Variants in MAOA observed in about 807,000 individuals in gnomAD.
MAOA encodes the protein monoamine oxidase A, also known as amine oxidase [flavin-containing] A.
In MAOA, 6 loss-of-function variants were observed where a neutral mutation model predicts 42.0. The ratio of observed to expected loss-of-function variants is 0.14; its 90% CI spans 0.08 to 0.28. The LOEUF is 0.28. Ranked by LOEUF, MAOA falls within the 10% of genes least tolerant of loss-of-function variation. The pLI is 1.00. For missense variants in MAOA, 262 were observed against 422.3 expected (o/e 0.62, Z 3.33); for synonymous variants, 140 against 154.0 (o/e 0.91, Z 0.67).
At chrX:43,670,579 T>C (rs1411864596) in intron 1 of MAOA, among the ~76,000 whole-genome samples, 2 of 93,408 alleles carry the variant, frequency 2.1e-5, no homozygotes, top group African/African-American at 7.9e-5. Context: ...GTATATCTCC[T>C]AATGCTATCC....
chrX:43,672,512 G>C (rs2147075148), intron 1 of MAOA, among the ~76,000 whole-genome samples: 1 of 111,474 alleles, frequency 9.0e-6, no homozygotes, highest in African/African-American at 3.3e-5. Flanking sequence ...GGGCATCCCT[G>C]TCTTGTGCCA....
chrX:43,707,363 C>T lies in MAOA; in HGVS notation c.307-4509C>T, dbSNP rs746572249. ...GTGACCATAGAGAAAAGGGCATCCACGGACTTTTGAGGATACAAGTCAGAT... is the reference window on the plus strand; with the variant it reads ...GTGACCATAGAGAAAAGGGCATCCATGGACTTTTGAGGATACAAGTCAGAT... On this transcript the variant is annotated intron_variant, in intron 3 of 14. Transcript: ENST00000338702. Among the ~76,000 whole-genome samples the T allele has an allele frequency of 5.4e-5, 6 of 111,549 alleles. No individual in the cohort carries two copies. In the East Asian group the frequency reaches 8.5e-4, roughly 16 times the overall value.
chrX:43,741,803 C>T, intron 11 of MAOA, 147 bp from the exon 12 acceptor site: 1 of 1,048,231 alleles, frequency 9.5e-7, no homozygotes, highest in Non-Finnish European at 1.3e-6. Context: ...TTGCTTGGTA[C>T]TATCATGTTT....
chrX:43,683,739 A>G (rs926499489), intron 2 of MAOA, 132 bp downstream of exon 2: 1 of 499,808 alleles, frequency 2.0e-6, no homozygotes, highest in Non-Finnish European at 3.5e-6. Context: ...ATAGCCCTAA[A>G]GTACTCCCAT....
At chrX:43,709,515 T>G (rs1329590112) in intron 3 of MAOA, among the ~76,000 whole-genome samples, 1 of 111,570 alleles carries the variant, frequency 9.0e-6, no homozygotes, top group Non-Finnish European at 1.9e-5. Flanking sequence ...GTTCAAGCAA[T>G]TCTCCTGCCT....
intron 1 of MAOA, among the ~76,000 whole-genome samples, chrX:43,666,839 C>T (rs2033283049): frequency 9.1e-6 from 1 of 110,295 alleles, no homozygotes; most frequent in South Asian, 3.9e-4. Context: ...GGTCTTTGAG[C>T]ACATCGGCCT....
chrX:43,657,659 C>T (rs1301506588), intron 1 of MAOA, among the ~76,000 whole-genome samples: 2 of 111,970 alleles, frequency 1.8e-5, no homozygotes, highest in Non-Finnish European at 1.9e-5. Flanking sequence ...GACCTATCCT[C>T]CCCCTACTAG....
chrX:43,662,909 TCTC>T (rs1327997535), intron 1 of MAOA, among the ~76,000 whole-genome samples: 4 of 111,286 alleles, frequency 3.6e-5, no homozygotes, highest in African/African-American at 9.8e-5. Context: ...TGGGACTGTT[TCTC>T]CTCCTTTATC....
chrX:43,715,570 A>T (rs965830418), intron 5 of MAOA, among the ~76,000 whole-genome samples: 1 of 110,864 alleles, frequency 9.0e-6, no homozygotes, highest in Non-Finnish European at 1.9e-5. Flanking sequence ...TCCAGGAATG[A>T]CCCTCAAGAG....
intron 5 of MAOA, among the ~76,000 whole-genome samples, chrX:43,719,342 A>G (rs1425605546): frequency 1.0e-4 from 11 of 109,653 alleles, no homozygotes; most frequent in Admixed American, 6.8e-4. Context: ...TGTGGATGGT[A>G]TTTTCCTGGT....
At chrX:43,728,436 T>C in intron 6 of MAOA, 122 bp downstream of exon 6, 1 of 817,452 alleles carries the variant, frequency 1.2e-6, no homozygotes, top group South Asian at 2.2e-5. Flanking sequence ...CAGCATGAAA[T>C]GATCTCAAAA....
chrX:43,693,221 AT>A (rs200297353), intron 2 of MAOA, 69 bp from the exon 3 acceptor site: 2 of 1,065,796 alleles, frequency 1.9e-6, no homozygotes, highest in Non-Finnish European at 2.6e-6. Context: ...AAATGGGGTT[AT>A]TTTTTTACAA....
At chrX:43,731,131 G>A (rs1033699720) in intron 6 of MAOA, 110 bp from the exon 7 acceptor site, 9 of 730,591 alleles carry the variant, frequency 1.2e-5, no homozygotes, top group Middle Eastern at 3.4e-4. Context: ...GTGTGCAGAC[G>A]TTAGAGGTGT....
chrX:43,690,192 A>G (rs754502011), intron 2 of MAOA, among the ~76,000 whole-genome samples: 42 of 109,578 alleles, frequency 3.8e-4, no homozygotes, highest in South Asian at 7.8e-4. Flanking sequence ...TTTTGACACC[A>G]TCTTCCATGT....
At position 43,738,663 on chromosome X, in the gene MAOA, T is replaced by TA. The variant is rs773236158; in HGVS notation, c.1107-2011dup. On this transcript the variant is annotated intron_variant, in intron 10 of 14. Transcript: ENST00000338702. ...TAGAGAAACCGTCTCCACAAAAAAA[T>TA]AAAAAAATTAGCCAGGCCTGGTGAC... Among the ~76,000 whole-genome samples, 6 of 109,732 alleles carry TA rather than the reference T, an allele frequency of 5.5e-5. No homozygotes were observed. In the South Asian group the frequency reaches 2.0e-3, roughly 36 times the overall value.
chrX:43,690,521 T>G (rs1173931491), intron 2 of MAOA, among the ~76,000 whole-genome samples: 1 of 111,822 alleles, frequency 8.9e-6, no homozygotes, highest in Non-Finnish European at 1.9e-5. Context: ...TTTTTTCTGC[T>G]TATTTTCTTT....
chrX:43,657,294 C>T (rs920768517), intron 1 of MAOA, among the ~76,000 whole-genome samples: 2 of 71,099 alleles, frequency 2.8e-5, no homozygotes, highest in Middle Eastern at 0.011. Flanking sequence ...TATATATGAA[C>T]TGTGTGTGTG....
intron 3 of MAOA, among the ~76,000 whole-genome samples, chrX:43,710,467 G>T (rs1383210707): frequency 2.7e-5 from 3 of 112,140 alleles, no homozygotes; most frequent in African/African-American, 9.7e-5. Flanking sequence ...TGCCCTGATG[G>T]TCAGAAGTTT....
chrX:43,693,209 A>G (rs2033550185), intron 2 of MAOA, 82 bp from the exon 3 acceptor site: 1 of 1,005,947 alleles, frequency 9.9e-7, no homozygotes, highest in Admixed American at 2.3e-5. Flanking sequence ...TTTTAAAAAA[A>G]TAAATGGGGT....
Sources: gnomAD v4.1 joint callset for allele counts (sites outside exome capture counted in the v4.1 genomes callset) on GRCh38, gnomAD v4.1.1 for gene constraint, MANE v1.5 for transcripts, NCBI Gene and HGNC (gene_info 2026-07-23, HGNC 2026-07-21) for gene names.